MACROD2: variants seen among roughly 807,000 people sequenced by gnomAD.
MACROD2 encodes mono-ADP ribosylhydrolase 2, also known as ADP-ribose glycohydrolase MACROD2.
A neutral mutation model predicts 70.4 loss-of-function variants in MACROD2; 36 were observed. The observed-to-expected ratio is 0.51, with a 90% CI of 0.39 to 0.68. The LOEUF (loss-of-function observed/expected upper bound fraction) is 0.68, where lower values mean the gene tolerates loss of function less well. Among genes scored for constraint, MACROD2 ranks in the 30% least tolerant of loss-of-function variants. The probability of loss-of-function intolerance (pLI) is 0.00; values close to 1 mark genes in which losing one functional copy is unlikely to be tolerated. For synonymous variants in MACROD2, 172 were observed against 178.8 expected (o/e 0.96, Z 0.30); for missense variants, 496 against 538.4 (o/e 0.92, Z 0.78).
intron 6 of MACROD2, among the ~76,000 whole-genome samples, chr20:15,431,149 T>C (rs2046359160): frequency 6.6e-6 from 1 of 152,098 alleles, no homozygotes; most frequent in Admixed American, 6.6e-5. Flanking sequence ...AATTTCTTAA[T>C]AATAACTTTA....
At chr20:14,664,748 T>C (rs894211045) in intron 4 of MACROD2, among the ~76,000 whole-genome samples, 1 of 152,116 alleles carries the variant, frequency 6.6e-6, no homozygotes, top group Admixed American at 6.6e-5. Context: ...CTAAGTGCCT[T>C]ACATTCTTGA....
chr20:15,109,061 C>T (rs1190109081), intron 5 of MACROD2, among the ~76,000 whole-genome samples: 2 of 152,192 alleles, frequency 1.3e-5, no homozygotes, highest in African/African-American at 4.8e-5. Context: ...GATTGACATT[C>T]AGCCACACCC....
intron 8 of MACROD2, among the ~76,000 whole-genome samples, chr20:15,648,999 G>C (rs574412220): frequency 5.3e-5 from 8 of 151,956 alleles, no homozygotes; most frequent in Non-Finnish European, 8.8e-5. Flanking sequence ...AGAATAGCTT[G>C]TTTTAGAAGC....
intron 5 of MACROD2, among the ~76,000 whole-genome samples, chr20:14,814,767 T>C (rs1423519848): frequency 6.6e-6 from 1 of 151,794 alleles, no homozygotes; most frequent in African/African-American, 2.4e-5. Context: ...TGGTTAAAGG[T>C]GACAGATAAT....
chr20:14,147,844 G>T (rs533341603), intron 3 of MACROD2, among the ~76,000 whole-genome samples: 1 of 151,770 alleles, frequency 6.6e-6, no homozygotes, highest in Non-Finnish European at 1.5e-5. Context: ...CCTATTTTTA[G>T]AACCCTCATG....
intron 5 of MACROD2, among the ~76,000 whole-genome samples, chr20:14,858,538 G>T (rs1465448440): frequency 6.6e-6 from 1 of 152,124 alleles, no homozygotes; most frequent in Non-Finnish European, 1.5e-5. Context: ...ATTTTGGAAT[G>T]ATACAGTTAA....
chr20:15,021,226 G>GTATGTATA, intron 5 of MACROD2, among the ~76,000 whole-genome samples: 1 of 109,606 alleles, frequency 9.1e-6, no homozygotes, highest in Admixed American at 8.4e-5. Context: ...ATACAGGTGT[G>GTATGTATA]CGTATACACA....
At chr20:15,654,432 C>T (rs950784468) in intron 8 of MACROD2, among the ~76,000 whole-genome samples, 3 of 152,196 alleles carry the variant, frequency 2.0e-5, no homozygotes, top group Admixed American at 6.5e-5. Flanking sequence ...CAGAAGTCTA[C>T]GTATTAGGTT....
intron 5 of MACROD2, among the ~76,000 whole-genome samples, chr20:14,962,298 A>G (rs1211958991): frequency 6.6e-6 from 1 of 151,836 alleles, no homozygotes; most frequent in Non-Finnish European, 1.5e-5. Context: ...AATGTCCCTC[A>G]ATTTGACATT....
At chr20:15,422,133 G>C (rs1489792340) in intron 6 of MACROD2, among the ~76,000 whole-genome samples, 1 of 152,204 alleles carries the variant, frequency 6.6e-6, no homozygotes, top group East Asian at 1.9e-4. Context: ...CTAAGGAAGC[G>C]AGGATTGGAG....
intron 3 of MACROD2, among the ~76,000 whole-genome samples, chr20:14,456,714 T>A (rs964630979): frequency 4.5e-5 from 1 of 22,130 alleles, no homozygotes; most frequent in African/African-American, 8.4e-5. Context: ...ACTCAGGATC[T>A]TTTTTTTTTT....
At chr20:15,088,043 A>C (rs1404131646) in intron 5 of MACROD2, among the ~76,000 whole-genome samples, 1 of 151,858 alleles carries the variant, frequency 6.6e-6, no homozygotes, top group Non-Finnish European at 1.5e-5. Flanking sequence ...GGAAATGATC[A>C]TTGTCATGCA....
chr20:15,274,922 G>A (rs572388781), intron 6 of MACROD2, among the ~76,000 whole-genome samples: 6 of 152,278 alleles, frequency 3.9e-5, no homozygotes, highest in African/African-American at 1.4e-4. Context: ...ATGAGGTGTG[G>A]AGCTATAAGT....
At chr20:15,756,480 A>G (rs2051349528) in intron 8 of MACROD2, among the ~76,000 whole-genome samples, 1 of 152,228 alleles carries the variant, frequency 6.6e-6, no homozygotes, top group Non-Finnish European at 1.5e-5. Flanking sequence ...GAGTAAAATA[A>G]CATTGTTAAA....
intron 5 of MACROD2, among the ~76,000 whole-genome samples, chr20:14,967,923 C>T (rs2074653688): frequency 6.6e-6 from 1 of 152,116 alleles, no homozygotes. Context: ...ATTCTTGATA[C>T]ATGCAGGCTG....
intron 5 of MACROD2, among the ~76,000 whole-genome samples, chr20:15,010,418 G>A (rs6043057): frequency 6.6e-6 from 1 of 152,150 alleles, no homozygotes; most frequent in South Asian, 2.1e-4. Flanking sequence ...ACTTGAAGAA[G>A]GAATTATAGT....
chr20:15,206,357 C>G (rs181003867), intron 5 of MACROD2, among the ~76,000 whole-genome samples: 16 of 152,186 alleles, frequency 1.1e-4, no homozygotes, highest in African/African-American at 3.6e-4. Flanking sequence ...TAGGTTGGAA[C>G]TTACATGGAG....
At chr20:14,012,636 A>G (rs1046489487) in intron 2 of MACROD2, among the ~76,000 whole-genome samples, 1 of 152,124 alleles carries the variant, frequency 6.6e-6, no homozygotes, top group Non-Finnish European at 1.5e-5. Flanking sequence ...TCTTGGGAGT[A>G]CTTCCAGCAT....
At chr20:14,937,474 ACTTAT>A (rs1266301013) in intron 5 of MACROD2, among the ~76,000 whole-genome samples, 5 of 152,242 alleles carry the variant, frequency 3.3e-5, no homozygotes, top group East Asian at 1.9e-4. Context: ...CAAAACAAAG[ACTTAT>A]CTTATCACAA....
Sources: gnomAD v4.1 joint callset for allele counts (sites outside exome capture counted in the v4.1 genomes callset) on GRCh38, gnomAD v4.1.1 for gene constraint, MANE v1.5 for transcripts, NCBI Gene and HGNC (gene_info 2026-07-23, HGNC 2026-07-21) for gene names.